Variants in RANBP2 observed in about 807,000 individuals in gnomAD.
RANBP2 encodes the protein RAN binding protein 2.
A neutral mutation model predicts 303.6 loss-of-function variants in RANBP2; 57 were observed. That is an observed-to-expected ratio of 0.19 (90% CI 0.15 to 0.23). The LOEUF (loss-of-function observed/expected upper bound fraction) is 0.23. RANBP2 is among the 10% of genes least tolerant of loss of function. RANBP2 has a pLI of 1.00. For synonymous variants in RANBP2, 1,167 were observed against 1,301.5 expected (o/e 0.90, Z 2.23); for missense variants, 3,138 against 3,780.8 (o/e 0.83, Z 4.46).
chr2:108,899,944 T>C, the RANBP2 span, among the ~76,000 whole-genome samples: 142,841 of 152,226 alleles, frequency 0.94, 67,102 homozygotes, highest in East Asian at 1. Context: ...CGAGATCGTG[T>C]CACTGCTCTC....
chr2:108,937,030 G>C, the RANBP2 span, among the ~76,000 whole-genome samples: 1 of 152,226 alleles, frequency 6.6e-6, no homozygotes, highest in Non-Finnish European at 1.5e-5. Context: ...GCTGTGCCGG[G>C]GAACAGACAC....
the RANBP2 span, among the ~76,000 whole-genome samples, chr2:109,138,184 G>C: frequency 3.9e-5 from 6 of 152,090 alleles, no homozygotes; most frequent in African/African-American, 1.2e-4. Flanking sequence ...CCCGGCTAAC[G>C]CCCGGCTAAT....
At chr2:109,025,518 A>G in the RANBP2 span, among the ~76,000 whole-genome samples, 1 of 152,240 alleles carries the variant, frequency 6.6e-6, no homozygotes, top group East Asian at 1.9e-4. Context: ...ATAAAAAACA[A>G]GGACATAGGG....
chr2:109,007,551 G>A, the RANBP2 span, among the ~76,000 whole-genome samples: 5 of 152,194 alleles, frequency 3.3e-5, no homozygotes, highest in Non-Finnish European at 5.9e-5. Context: ...AGAGTAGCCT[G>A]CCTGGGGCTG....
the RANBP2 span, among the ~76,000 whole-genome samples, chr2:109,199,604 G>GTAACCCT: frequency 9.6e-3 from 1 of 104 alleles, no homozygotes; most frequent in Non-Finnish European, 0.018. Context: ...GAATGGAATG[G>GTAACCCT]AATGGAATGG....
the RANBP2 span, among the ~76,000 whole-genome samples, chr2:109,025,135 G>C: frequency 6.6e-6 from 1 of 152,154 alleles, no homozygotes; most frequent in African/African-American, 2.4e-5. Flanking sequence ...TGACTGGCTT[G>C]TTTCACTTGG....
chr2:108,824,060 G>C, the RANBP2 span, among the ~76,000 whole-genome samples: 10 of 152,210 alleles, frequency 6.6e-5, no homozygotes, highest in African/African-American at 2.4e-4. Context: ...AAGTTGCTCT[G>C]GGAGAGTCAG....
At chr2:109,236,092 A>G in the RANBP2 span, among the ~76,000 whole-genome samples, 2 of 152,240 alleles carry the variant, frequency 1.3e-5, no homozygotes, top group Non-Finnish European at 2.9e-5. Flanking sequence ...TATAATATGC[A>G]TGAAGCTATT....
chr2:109,388,521 T>C, the RANBP2 span, among the ~76,000 whole-genome samples: 78,720 of 151,536 alleles, frequency 0.52, 20,839 homozygotes, highest in South Asian at 0.61. Flanking sequence ...GTCTGAAGTG[T>C]GATGTGAGTT....
the RANBP2 span, among the ~76,000 whole-genome samples, chr2:109,468,948 CA>C: frequency 2.0e-5 from 3 of 150,742 alleles, no homozygotes; most frequent in African/African-American, 7.3e-5. Flanking sequence ...ACTGCCTTCC[CA>C]GTTAGTGGTG....
the RANBP2 span, among the ~76,000 whole-genome samples, chr2:109,331,052 C>T: frequency 1.3e-5 from 2 of 152,164 alleles, no homozygotes; most frequent in Non-Finnish European, 2.9e-5. Context: ...GACTTTCACC[C>T]AAAATCTAAA....
intron 7 of RANBP2, among the ~76,000 whole-genome samples, chr2:108,743,181 A>G (rs750638606): frequency 6.6e-6 from 1 of 152,264 alleles, no homozygotes; most frequent in Admixed American, 6.5e-5. Context: ...GTGCAGTTGC[A>G]TAATCATAGC....
intron 1 of RANBP2, among the ~76,000 whole-genome samples, chr2:108,725,343 TG>T (rs1694611536): frequency 6.6e-6 from 1 of 152,198 alleles, no homozygotes; most frequent in African/African-American, 2.4e-5. Context: ...AAGAATAATT[TG>T]TAAAGTTGTT....
the RANBP2 span, among the ~76,000 whole-genome samples, chr2:109,061,350 G>T: frequency 6.6e-6 from 1 of 152,132 alleles, no homozygotes; most frequent in Admixed American, 6.6e-5. Context: ...AAGCCAAGAG[G>T]CTCATTCAGC....
chr2:109,027,772 G>A, the RANBP2 span, among the ~76,000 whole-genome samples: 1 of 152,078 alleles, frequency 6.6e-6, no homozygotes, highest in Non-Finnish European at 1.5e-5. Context: ...TGGGTGGGCG[G>A]CAGCTCTGCA....
the RANBP2 span, among the ~76,000 whole-genome samples, chr2:109,120,921 C>T: frequency 6.6e-6 from 1 of 152,168 alleles, no homozygotes; most frequent in Non-Finnish European, 1.5e-5. Context: ...AAGAGGGTGG[C>T]AACTCATGCA....
At chr2:109,493,595 CACAA>C in the RANBP2 span, among the ~76,000 whole-genome samples, 1 of 151,214 alleles carries the variant, frequency 6.6e-6, no homozygotes, top group Non-Finnish European at 1.5e-5. Context: ...ACACAATACA[CACAA>C]ACCACACACA....
chr2:109,724,479 TC>T, the RANBP2 span, among the ~76,000 whole-genome samples: 5 of 152,308 alleles, frequency 3.3e-5, no homozygotes, highest in East Asian at 9.7e-4. Context: ...TTCACCTCCA[TC>T]AATCCTTCTC....
At chr2:109,699,923 T>A in the RANBP2 span, among the ~76,000 whole-genome samples, 1 of 152,198 alleles carries the variant, frequency 6.6e-6, no homozygotes, top group Non-Finnish European at 1.5e-5. Context: ...CTGGTTTGTT[T>A]CTCTTCTCTC....
Sources: allele counts gnomAD v4.1 joint callset (sites outside exome capture counted in the v4.1 genomes callset), GRCh38; gene constraint gnomAD v4.1.1; transcripts MANE v1.5; gene names NCBI Gene and HGNC (gene_info 2026-07-23, HGNC 2026-07-21).